The following RAB28 variants were observed in gnomAD, a reference collection of about 807,000 sequenced individuals.
The protein encoded by RAB28 is RAB28, member RAS oncogene family, also known as ras-related protein Rab-28.
A neutral mutation model predicts 31.7 loss-of-function variants in RAB28; 24 were observed. That is an observed-to-expected ratio of 0.76 (90% CI 0.55 to 1.06). The LOEUF is 1.06. Ranked by LOEUF, RAB28 falls within the 50% of genes least tolerant of loss-of-function variation. The pLI is 0.00. For synonymous variants in RAB28, 100 were observed against 90.4 expected (o/e 1.11, Z -0.60); for missense variants, 254 against 258.5 (o/e 0.98, Z 0.12).
At chr4:13,440,153 G>A (rs1489574302) in intron 4 of RAB28, among the ~76,000 whole-genome samples, 1 of 152,056 alleles carries the variant, frequency 6.6e-6, no homozygotes, top group Non-Finnish European at 1.5e-5. Context: ...AATTTATTGT[G>A]TCCAATAGAT....
chr4:13,383,495 T>A (rs1176662107), intron 4 of RAB28, among the ~76,000 whole-genome samples: 1 of 152,156 alleles, frequency 6.6e-6, no homozygotes, highest in African/African-American at 2.4e-5. Context: ...AAGAACTTAT[T>A]CAACAAACAT....
chr4:13,403,689 T>C (rs73229659), intron 4 of RAB28, among the ~76,000 whole-genome samples: 2,096 of 152,312 alleles, frequency 0.014, 24 homozygotes, highest in Middle Eastern at 0.044. Flanking sequence ...GCGTACCAAG[T>C]ACATCATTTT....
chr4:13,459,682 C>CAA (rs201658611), intron 4 of RAB28: 282 of 677,444 alleles, frequency 4.2e-4, no homozygotes, highest in African/African-American at 1.3e-3. Context: ...CACTCTTTCT[C>CAA]AAAAAAAAAA....
intron 4 of RAB28, among the ~76,000 whole-genome samples, chr4:13,445,181 T>C (rs1343210621): frequency 1.3e-5 from 2 of 151,960 alleles, no homozygotes; most frequent in African/African-American, 4.8e-5. Context: ...CCATTGATAC[T>C]TGTGTATGCT....
At chr4:13,395,013 T>C (rs1387842369) in intron 4 of RAB28, among the ~76,000 whole-genome samples, 1 of 152,166 alleles carries the variant, frequency 6.6e-6, no homozygotes, top group Non-Finnish European at 1.5e-5. Flanking sequence ...GTCTCAAATC[T>C]AGTCATTAGT....
chr4:13,444,286 CAA>C (rs961371359), intron 4 of RAB28, among the ~76,000 whole-genome samples: 1 of 152,110 alleles, frequency 6.6e-6, no homozygotes, highest in African/African-American at 2.4e-5. Context: ...CTCAGCCTCC[CAA>C]AGTGTTGGGA....
At position 13,425,230 on chromosome 4, in the gene RAB28, AG is replaced by A. The variant is rs1206178989; in HGVS notation, c.391+35468del. Among the ~76,000 whole-genome samples the A allele has an allele frequency of 3.9e-5, 6 of 152,322 alleles. No homozygotes were observed. In the South Asian group the frequency reaches 1.0e-3, roughly 26 times the overall value. On this transcript the variant is annotated intron_variant, in intron 4 of 6. Transcript: ENST00000330852. ...TACCAACACTCCTGGTATCAAAACTAGACAAGAAACATTTTTTGATGTTTTA... is the reference window on the plus strand; with the variant it reads ...TACCAACACTCCTGGTATCAAAACTAACAAGAAACATTTTTTGATGTTTTA...
At chr4:13,473,802 T>G (rs752451015) in intron 3 of RAB28, 24 of 364,362 alleles carry the variant, frequency 6.6e-5, no homozygotes, top group South Asian at 6.0e-5. Context: ...TCATAGTAAA[T>G]TATTGTATGT....
intron 4 of RAB28, among the ~76,000 whole-genome samples, chr4:13,388,959 A>G (rs1466761940): frequency 2.0e-5 from 3 of 152,138 alleles, no homozygotes; most frequent in African/African-American, 7.2e-5. Context: ...TATATATCCC[A>G]AAGAACTGAA....
At chr4:13,415,722 T>A (rs1316234791) in intron 4 of RAB28, among the ~76,000 whole-genome samples, 1 of 151,998 alleles carries the variant, frequency 6.6e-6, no homozygotes, top group Non-Finnish European at 1.5e-5. Context: ...CATCCCCTGC[T>A]CTACGGCGCC....
chr4:13,376,976 C>G (rs1433355132), intron 5 of RAB28, among the ~76,000 whole-genome samples: 1 of 152,102 alleles, frequency 6.6e-6, no homozygotes, highest in Non-Finnish European at 1.5e-5. Context: ...TAAAAATAAT[C>G]TATACTTTAC....
Position 13,479,455 on chromosome 4 carries a change from G to A in RAB28, c.147C>T (p.Phe49=), listed in dbSNP as rs778718044. 1.3e-5 allele frequency: 21 copies of A among 1,606,634 alleles called. No individual in the cohort carries two copies. In the South Asian group the frequency reaches 2.1e-4, roughly 16 times the overall value. The part of the protein sequence containing the change: ...KQYKQTIGLD[F]FLRRITLPGN... ...CTGGCAATGTTATCCTTCTCAAAAAGAAATCCAGTCCTATAGTTTGTTTGT... is the reference window on the plus strand; with the variant it reads ...CTGGCAATGTTATCCTTCTCAAAAAAAAATCCAGTCCTATAGTTTGTTTGT... Residue 49 remains phenylalanine (F), a synonymous_variant, in exon 2 of 7, where the codon TTC becomes TTT. Coordinates refer to ENST00000330852, the MANE Select transcript of RAB28 (RefSeq NM_001017979.3).
rs770118800 is a variant in RAB28 at position 13,479,407 on chromosome 4, G to A, written c.172+23C>T. 13 of 1,516,620 alleles carry A rather than the reference G, an allele frequency of 8.6e-6. 1 individual carries two copies. The highest frequency in any genetic ancestry group is 3.5e-5 in the Admixed American group (2 of 57,216). The allele number at this position is 1,516,620 out of a possible 1,614,324, so 93.9% of individuals were successfully genotyped here. A position where few individuals can be genotyped will look rare whatever the true frequency, so the allele number is the denominator to read the frequency against. On this transcript the variant is annotated intron_variant, in intron 2 of 6. Coordinates refer to ENST00000330852, the MANE Select transcript of RAB28 (RefSeq NM_001017979.3). ...TTAAGATTTTTTTATAATCTTCTAC[G>A]TTAAGACTTTTTAGTCTCTTACCTG...
Position 13,479,514 on chromosome 4 carries a change from T to A in RAB28, c.88A>T (p.Thr30Ser). ...CCAAAAGTTTCTTGAGCAAAACACG[T>A]AGTTAAGGAGGTCTAAAAAATTGAT... ...DGASGKTSLTTCFAQETFGKQ... is the reference protein window; with the variant it reads ...DGASGKTSLTSCFAQETFGKQ... Residue 30 changes from threonine (T) to serine (S), a missense_variant, in exon 2 of 7, where the codon ACG becomes TCG. Physicochemically the swap from Thr to Ser is moderately conservative, Grantham distance 58 (BLOSUM62 1). Transcript: ENST00000330852. 6.2e-7 allele frequency: 1 copy of A among 1,603,006 alleles called. No individual in the cohort carries two copies. Among genetic ancestry groups the A allele is most frequent in the Non-Finnish European group, 8.5e-7 (1 of 1,171,774 alleles).
rs114111827 is a variant in RAB28, at chr4:13,438,901, A to G, written c.391+21798T>C. 2.9e-3 allele frequency among the ~76,000 whole-genome samples: 442 copies of G among 152,278 alleles called. 2 individuals carry two copies. Among genetic ancestry groups the G allele is most frequent in the African/African-American group, 9.7e-3 (405 of 41,558 alleles). ...CAGCTGCATTTCTACTGGACAATATATGAGGGTTCCAAGTTATCCACAGCC... is the reference window on the plus strand; with the variant it reads ...CAGCTGCATTTCTACTGGACAATATGTGAGGGTTCCAAGTTATCCACAGCC... On this transcript the variant is annotated intron_variant, in intron 4 of 6. Transcript: ENST00000330852.
At chr4:13,421,008 A>G (rs978095832) in intron 4 of RAB28, among the ~76,000 whole-genome samples, 1 of 152,210 alleles carries the variant, frequency 6.6e-6, no homozygotes, top group African/African-American at 2.4e-5. Context: ...AGAAAACCCC[A>G]TCATCTCAGC....
In RAB28 at chr4:13,473,554, T is replaced by C. The variant is rs564015897; in HGVS notation, c.261+764A>G. Among the ~76,000 whole-genome samples, 277 of 151,954 alleles carry C rather than the reference T, an allele frequency of 1.8e-3. 1 individual carries two copies. The highest frequency in any genetic ancestry group is 6.2e-3 in the African/African-American group (258 of 41,532). On this transcript the variant is annotated intron_variant, in intron 3 of 6. Transcript: ENST00000330852. Reference sequence around the variant, plus strand: ...TAATCAAAAGCAATCTGCCAAATATTAAAAAGACAATTCTTCACTGAACAT... The same window carrying C: ...TAATCAAAAGCAATCTGCCAAATATCAAAAAGACAATTCTTCACTGAACAT...
At chr4:13,454,199 T>C (rs1422698507) in intron 4 of RAB28, among the ~76,000 whole-genome samples, 1 of 152,198 alleles carries the variant, frequency 6.6e-6, no homozygotes, top group Non-Finnish European at 1.5e-5. Context: ...TTATGGGTTA[T>C]ATCCATCTCT....
intron 1 of RAB28, among the ~76,000 whole-genome samples, chr4:13,483,119 C>A (rs1013333047): frequency 6.6e-6 from 1 of 152,144 alleles, no homozygotes; most frequent in East Asian, 1.9e-4. Context: ...CGGGTAGAGG[C>A]TCTTCACTAT....
Sources: gnomAD v4.1 joint callset for allele counts (sites outside exome capture counted in the v4.1 genomes callset) on GRCh38, gnomAD v4.1.1 for gene constraint, MANE v1.5 for transcripts, NCBI Gene and HGNC (gene_info 2026-07-23, HGNC 2026-07-21) for gene names.